The following MMP12 variants were observed in gnomAD, a reference collection of about 807,000 sequenced individuals.
MMP12 encodes matrix metallopeptidase 12.
MMP12 carries 51 observed loss-of-function variants against 45.2 expected under a neutral mutation model. The ratio of observed to expected loss-of-function variants is 1.13; its 90% CI spans 0.90 to 1.42. The LOEUF is 1.42. Among genes scored for constraint, MMP12 ranks in the 40% most tolerant of loss-of-function variants. The pLI, the probability that MMP12 is intolerant of heterozygous loss-of-function variation, is 0.00. For synonymous variants in MMP12, 210 were observed against 193.3 expected (o/e 1.09, Z -0.72); for missense variants, 530 against 570.8 (o/e 0.93, Z 0.73).
Position 102,867,923 on chromosome 11 carries a change from T to C in MMP12, c.772A>G (p.Ile258Val). The C allele has an allele frequency of 1.2e-6, 2 of 1,610,058 alleles. No individual in the cohort carries two copies. Among genetic ancestry groups the C allele is most frequent in the East Asian group, 2.2e-5 (1 of 44,782 alleles). ...FRLSADDIRG[I>V]QSLYGDPKEN... ...TTCAACTCACCATACAGGGACTGAA[T>C]GCCACGTATGTCATCAGCAGAGAGG... is the stretch of plus-strand genomic sequence containing the variant. Residue 258 changes from isoleucine to valine, a missense_variant, in exon 5 of 10, where the codon ATT becomes GTT. By Grantham distance (29) the Ile-to-Val change is conservative. Transcript: ENST00000571244.
In MMP12 at chr11:102,865,958, T is replaced by A; in HGVS notation, c.1046-23A>T. 6 of 1,562,138 alleles carry A rather than the reference T, an allele frequency of 3.8e-6. No individual in the cohort carries two copies. Among genetic ancestry groups the A allele is most frequent in the Non-Finnish European group, 5.3e-6 (6 of 1,142,266 alleles). ...CATCTGTGAAGACAAAGAAATAGGG[T>A]AAATTTGAATTATACAGGAAGAGTA... On this transcript the variant is annotated intron_variant, in intron 7 of 9. Coordinates refer to ENST00000571244, the MANE Select transcript of MMP12 (RefSeq NM_002426.6). This position sits in a 1 kb window ranked among gnomAD's most constrained non-coding sequence, Gnocchi z 4.1.
At position 102,874,971 on chromosome 11, in the gene MMP12, G is replaced by T; in HGVS notation, c.-34C>A. 1 of 1,406,880 alleles carries T rather than the reference G, an allele frequency of 7.1e-7. No homozygotes were observed. Among genetic ancestry groups the T allele is most frequent in the Non-Finnish European group, 9.9e-7 (1 of 1,013,454 alleles). The allele number at this position is 1,406,880 out of a possible 1,614,324, so 87.1% of individuals were successfully genotyped here. A position where few individuals can be genotyped will look rare whatever the true frequency, so the allele number is the denominator to read the frequency against. On this transcript the variant is annotated 5_prime_UTR_variant, in exon 1 of 10. Transcript: ENST00000571244. The stretch of plus-strand genomic sequence containing the variant: ...TCTAAACGGATCAATTCAGTTTACT[G>T]TGTTCCTTTCTAGCCTAAGTTCCTG...
chr11:102,865,089 T>C lies in MMP12; in HGVS notation c.1205+687A>G, dbSNP rs1016037906. On this transcript the variant is annotated intron_variant, in intron 8 of 9. Transcript: ENST00000571244. This position sits in a 1 kb window ranked among gnomAD's most constrained non-coding sequence, Gnocchi z 4.1. Reference sequence around the variant, plus strand: ...AGGGCTGGTGGACAAATTCAAGTCATAAGCATCCGGTATTCAATTGGAATT... The same window carrying C: ...AGGGCTGGTGGACAAATTCAAGTCACAAGCATCCGGTATTCAATTGGAATT... Among the ~76,000 whole-genome samples the C allele has an allele frequency of 3.3e-5, 5 of 152,184 alleles. No homozygotes were observed. Among genetic ancestry groups the C allele is most frequent in the Non-Finnish European group, 7.4e-5 (5 of 68,022 alleles).
At chr11:102,874,693 T>G in intron 1 of MMP12, 143 bp downstream of exon 1, 1 of 539,056 alleles carries the variant, frequency 1.9e-6, no homozygotes, top group Non-Finnish European at 3.3e-6. Context: ...AACTTAATAC[T>G]GAAAGCAGAC....
rs1555009348 is a variant in MMP12 at position 102,871,639 on chromosome 11, C to T, written c.580G>A (p.Asp194Asn). 1 of 1,573,466 alleles carries T rather than the reference C, an allele frequency of 6.4e-7. No individual in the cohort carries two copies. The highest frequency in any genetic ancestry group is 8.6e-7 in the Non-Finnish European group (1 of 1,157,962). The part of the protein sequence containing the change: ...AFGPGSGIGG[D>N]AHFDEDEFWT... ...AATTCGTCCTCATCGAAATGTGCAT[C>T]CCCTCCAATGCCAGATCCAGGTCCA... The change falls in exon 4 of 10, where the codon GAT becomes AAT. Residue 194 changes from aspartate to asparagine, a missense_variant. By Grantham distance (23) the Asp-to-Asn change is conservative. Coordinates refer to ENST00000571244, the MANE Select transcript of MMP12 (RefSeq NM_002426.6).
At position 102,866,077 on chromosome 11, in the gene MMP12, A is replaced by T. The variant is rs573727123; in HGVS notation, c.1046-142T>A. 137 of 877,262 alleles carry T rather than the reference A, an allele frequency of 1.6e-4. No homozygotes were observed. In the African/African-American group the frequency reaches 2.1e-3, roughly 14 times the overall value. The allele number at this position is 877,262 out of a possible 1,614,324, so 54.3% of individuals were successfully genotyped here. Reference sequence around the variant, plus strand: ...TGATCTTAAACATAGTCTCTTTTCTATGGTTCCCATGGTTTTTTTTCACAA... The same window carrying T: ...TGATCTTAAACATAGTCTCTTTTCTTTGGTTCCCATGGTTTTTTTTCACAA... On this transcript the variant is annotated intron_variant, in intron 7 of 9. Coordinates refer to ENST00000571244, the MANE Select transcript of MMP12 (RefSeq NM_002426.6).
rs201868025 is a variant in MMP12, at chr11:102,872,877, T to C, written c.338A>G (p.Tyr113Cys). The change falls in exon 2 of 10, where the codon TAT becomes TGT. Residue 113 changes from tyrosine (Y) to cysteine (C), a missense_variant. Coordinates refer to ENST00000571244, the MANE Select transcript of MMP12 (RefSeq NM_002426.6). ...MPGGPVWRKH[Y>C]ITYRINNYTP... is the part of the protein sequence containing the mutation. ...ACACCAACGTTACCTGTAGGTGATA[T>C]AATGTTTCCTCCATACGGGCCCCCC... is the stretch of plus-strand genomic sequence containing the variant. The C allele has an allele frequency of 1.2e-6, 2 of 1,613,828 alleles. No homozygotes were observed. Among genetic ancestry groups the C allele is most frequent in the African/African-American group, 1.3e-5 (1 of 75,042 alleles).
rs976072925 is a variant in MMP12, at chr11:102,871,491, A to G, written c.625+103T>C. On this transcript the variant is annotated intron_variant, in intron 4 of 9. Coordinates refer to ENST00000571244, the MANE Select transcript of MMP12 (RefSeq NM_002426.6). ...TTCCATCATATAATCATTTGTCAGA[A>G]TGTAGTCTCTCGAAACCAGAATTTT... is the stretch of plus-strand genomic sequence containing the variant. The G allele has an allele frequency of 1.9e-5, 26 of 1,359,248 alleles. No individual in the cohort carries two copies. In the African/African-American group the frequency reaches 2.9e-4, roughly 15 times the overall value. 84.2% of individuals were successfully genotyped at this position (1,359,248 alleles called of 1,614,324 possible).
At position 102,871,503 on chromosome 11, in the gene MMP12, G is replaced by A. The variant is rs953006204; in HGVS notation, c.625+91C>T. 3.5e-5 allele frequency: 51 copies of A among 1,471,896 alleles called. No homozygotes were observed. The Admixed American group carries it at 4.3e-4, about 12-fold the overall frequency. 91.2% of individuals were successfully genotyped at this position (1,471,896 alleles called of 1,614,324 possible). ...ATCATTTGTCAGAATGTAGTCTCTC[G>A]AAACCAGAATTTTGAATTTGTTAGG... On this transcript the variant is annotated intron_variant, in intron 4 of 9. Transcript: ENST00000571244.
Position 102,873,049 on chromosome 11 carries a change from T to A in MMP12, c.166A>T (p.Ser56Cys), listed in dbSNP as rs1471261662. ...NKLPVTKMKY[S>C]GNLMKEKIQE... Reference sequence around the variant, plus strand: ...ATTTTTTCCTTCATTAAGTTTCCACTATATTTCATTTTTGTCACTGGAAGT... The same window carrying A: ...ATTTTTTCCTTCATTAAGTTTCCACAATATTTCATTTTTGTCACTGGAAGT... Residue 56 changes from serine to cysteine, a missense_variant, in exon 2 of 10, where the codon AGT (serine) becomes TGT (cysteine). By Grantham distance (112) the Ser-to-Cys change is moderately radical (BLOSUM62 -1). Coordinates refer to ENST00000571244, the MANE Select transcript of MMP12 (RefSeq NM_002426.6). 2 of 1,613,020 alleles carry A rather than the reference T, an allele frequency of 1.2e-6. No homozygotes were observed. The highest frequency in any genetic ancestry group is 1.7e-6 in the Non-Finnish European group (2 of 1,179,424).
chr11:102,867,129 C>T, intron 6 of MMP12, 141 bp downstream of exon 6: 1 of 676,318 alleles, frequency 1.5e-6, no homozygotes, highest in Non-Finnish European at 2.3e-6. Context: ...TTTAAGATCT[C>T]CTCACTGCCT....
At chr11:102,867,832 C>G (rs1268788057) in intron 5 of MMP12, 76 bp downstream of exon 5, 1 of 1,433,064 alleles carries the variant, frequency 7.0e-7, no homozygotes, top group Non-Finnish European at 9.5e-7. Context: ...AACGTTTTAT[C>G]CAAATATAGA....
chr11:102,866,690 G>A (rs1859394400), intron 6 of MMP12, among the ~76,000 whole-genome samples: 1 of 152,096 alleles, frequency 6.6e-6, no homozygotes, highest in Non-Finnish European at 1.5e-5. Context: ...GGAATCCAGG[G>A]ATCTAAGCTT....
At chr11:102,874,028 C>CAAAAAAAAAAAAAA (rs35364937) in intron 1 of MMP12, among the ~76,000 whole-genome samples, 3 of 97,500 alleles carry the variant, frequency 3.1e-5, no homozygotes, top group African/African-American at 7.5e-5. Context: ...AACCCTGTCT[C>CAAAAAAAAAAAAAA]AAAAAAAAAA....
Position 102,865,840 on chromosome 11 carries a change from CA to C in MMP12, c.1140del (p.Ile380MetfsTer17), listed in dbSNP as rs782164061. The C allele has an allele frequency of 6.2e-7, 1 of 1,613,006 alleles. No homozygotes were observed. The highest frequency in any genetic ancestry group is 1.1e-5 in the South Asian group (1 of 90,960). On this transcript the variant is annotated frameshift_variant, in exon 8 of 10. Transcript: ENST00000571244. LOFTEE classifies it high-confidence loss of function. This position sits in a 1 kb window ranked among gnomAD's most constrained non-coding sequence, Gnocchi z 4.1. The stretch of plus-strand genomic sequence containing the variant: ...AAACGTGGGTTAAAAACAGCTGCAT[CA>C]ATTTTTTTCACAAAGTTAGGAAAAC... ...SFGFPNFVKK[I>X]DAAVFNPRFY...
At position 102,871,924 on chromosome 11, in the gene MMP12, G is replaced by T. The variant is rs782131344; in HGVS notation, c.379C>A (p.Arg127Ser). The T allele has an allele frequency of 1.9e-6, 3 of 1,612,802 alleles. No individual in the cohort carries two copies. The highest frequency in any genetic ancestry group is 2.5e-6 in the Non-Finnish European group (3 of 1,179,474). The change falls in exon 3 of 10, where the codon CGT (arginine) becomes AGT (serine). Residue 127 changes from arginine (R) to serine (S), a missense_variant. Transcript: ENST00000571244. ...RINNYTPDMN[R>S]EDVDYAIRKA... ...CGGATTGCGTAGTCAACATCCTCACGGTTCATGTCAGGTGTGTAATTATTG... is the reference window on the plus strand; with the variant it reads ...CGGATTGCGTAGTCAACATCCTCACTGTTCATGTCAGGTGTGTAATTATTG...
At chr11:102,866,541 A>G (rs1859391550) in intron 6 of MMP12, 93 bp from the exon 7 acceptor site, 2 of 1,292,208 alleles carry the variant, frequency 1.5e-6, no homozygotes, top group Non-Finnish European at 2.1e-6. Context: ...AAGACCCAAT[A>G]TTTCTTTCCA....
intron 4 of MMP12, among the ~76,000 whole-genome samples, chr11:102,869,332 A>G (rs1293121808): frequency 6.6e-6 from 1 of 152,138 alleles, no homozygotes; most frequent in East Asian, 1.9e-4. Flanking sequence ...TCATGGGTCC[A>G]GTAACCTTCC....
At chr11:102,863,927 G>A (rs1859337178) in intron 9 of MMP12, among the ~76,000 whole-genome samples, 2 of 152,156 alleles carry the variant, frequency 1.3e-5, no homozygotes, top group Non-Finnish European at 2.9e-5. Flanking sequence ...CCCTCTGCCT[G>A]CTAGACAACC....
Sources: gnomAD v4.1 joint callset for allele counts (sites outside exome capture counted in the v4.1 genomes callset) on GRCh38, gnomAD v4.1.1 for gene constraint, Gnocchi (gnomAD v3.1) non-coding constraint, MANE v1.5 for transcripts, NCBI Gene and HGNC (gene_info 2026-07-23, HGNC 2026-07-21) for gene names.